TAF4B: variants seen among roughly 807,000 people sequenced by gnomAD.
The protein encoded by TAF4B is transcription initiation factor TFIID subunit 4B.
TAF4B carries 38 observed loss-of-function variants against 86.4 expected under a neutral mutation model. The ratio of observed to expected loss-of-function variants is 0.44; its 90% CI spans 0.34 to 0.58. The LOEUF (loss-of-function observed/expected upper bound fraction) is 0.58, where lower values mean the gene tolerates loss of function less well. TAF4B is among the 20% of genes least tolerant of loss of function. The pLI, the probability that TAF4B is intolerant of heterozygous loss-of-function variation, is 0.02. For missense variants in TAF4B, 988 were observed against 1,027.6 expected, an observed-to-expected ratio of 0.96 and a Z score of 0.53; for synonymous variants, 388 against 391.2, an observed-to-expected ratio of 0.99 and a Z score of 0.10.
At chr18:26,268,887 A>G (rs970270806) in intron 3 of TAF4B, among the ~76,000 whole-genome samples, 4 of 152,050 alleles carry the variant, frequency 2.6e-5, no homozygotes, top group African/African-American at 4.8e-5. Flanking sequence ...CTGTGGTGCA[A>G]TCTTGGCTCA....
chr18:26,309,916 C>T (rs2056836716), intron 9 of TAF4B, among the ~76,000 whole-genome samples: 1 of 152,136 alleles, frequency 6.6e-6, no homozygotes, highest in East Asian at 1.9e-4. Context: ...ACTCTGCCTC[C>T]CGGGTTCAAG....
intron 9 of TAF4B, among the ~76,000 whole-genome samples, chr18:26,311,656 C>T (rs1354798977): frequency 6.6e-6 from 1 of 151,934 alleles, no homozygotes; most frequent in African/African-American, 2.4e-5. Flanking sequence ...AAGTTGAAGA[C>T]TAGAACAGGA....
chr18:26,364,095 A>G (rs78828943), intron 14 of TAF4B, among the ~76,000 whole-genome samples: 2,975 of 152,312 alleles, frequency 0.02, 85 homozygotes, highest in African/African-American at 0.068. Context: ...CTCATTAAAT[A>G]TGATCTATTT....
In TAF4B at chr18:26,301,200, C is replaced by CT. The variant is rs369173234; in HGVS notation, c.1832+7670dup. Among the ~76,000 whole-genome samples, 394 of 151,884 alleles carry CT rather than the reference C, an allele frequency of 2.6e-3. 3 individuals carry two copies. Among genetic ancestry groups the CT allele is most frequent in the African/African-American group, 9.0e-3 (372 of 41,406 alleles). ...ATTTCTTTTTTAATGGATTATTGTC[C>CT]TGTGGTATAGTTGTTTGCCTCTATG... is the stretch of plus-strand genomic sequence containing the variant. On this transcript the variant is annotated intron_variant, in intron 9 of 14. Coordinates refer to ENST00000269142, the MANE Select transcript of TAF4B (RefSeq NM_005640.3).
At chr18:26,340,738 T>C (rs1427795864) in intron 13 of TAF4B, among the ~76,000 whole-genome samples, 2 of 152,156 alleles carry the variant, frequency 1.3e-5, no homozygotes, top group Admixed American at 6.5e-5. Flanking sequence ...TGAGAATCAT[T>C]GATCTAGGAT....
intron 1 of TAF4B, among the ~76,000 whole-genome samples, chr18:26,253,715 C>A (rs994496498): frequency 6.6e-6 from 1 of 152,138 alleles, no homozygotes; most frequent in Non-Finnish European, 1.5e-5. Flanking sequence ...GCTTTTCTTA[C>A]AGATCCTCTT....
chr18:26,227,973 T>C (rs2055604341), intron 1 of TAF4B, among the ~76,000 whole-genome samples: 1 of 152,238 alleles, frequency 6.6e-6, no homozygotes, highest in South Asian at 2.1e-4. Context: ...GCAGAACCCC[T>C]GACTGGGAAC....
intron 1 of TAF4B, among the ~76,000 whole-genome samples, chr18:26,258,346 T>G (rs2056116360): frequency 6.6e-6 from 1 of 152,218 alleles, no homozygotes; most frequent in Admixed American, 6.5e-5. Context: ...TTTTCTTCAT[T>G]TGTTCCTTTG....
intron 11 of TAF4B, among the ~76,000 whole-genome samples, chr18:26,325,238 T>C (rs1171803566): frequency 6.6e-6 from 1 of 152,214 alleles, no homozygotes; most frequent in African/African-American, 2.4e-5. Flanking sequence ...CTTCATTCAG[T>C]GTTTTCCAGT....
chr18:26,236,965 G>A (rs370694898), intron 1 of TAF4B, among the ~76,000 whole-genome samples: 9 of 152,128 alleles, frequency 5.9e-5, no homozygotes, highest in East Asian at 1.9e-4. Flanking sequence ...TCCCGTAGCC[G>A]CTGGAGCAAG....
rs1361096275 is a variant in TAF4B at position 26,226,583 on chromosome 18, C to T, written c.-351C>T. On this transcript the variant is annotated 5_prime_UTR_variant, in exon 1 of 15. Coordinates refer to ENST00000269142, the MANE Select transcript of TAF4B (RefSeq NM_005640.3). ...TGCGCAGTTAGGCTCGAGGTGTGAG[C>T]GACGACCTTCCGGGAGCCGCAAGTC... 1 of 204,968 alleles carries T rather than the reference C, an allele frequency of 4.9e-6. No individual in the cohort carries two copies. The highest frequency in any genetic ancestry group is 9.7e-6 in the Non-Finnish European group (1 of 102,868). 12.7% of individuals were successfully genotyped at this position (204,968 alleles called of 1,614,324 possible).
intron 7 of TAF4B, among the ~76,000 whole-genome samples, chr18:26,290,392 C>T (rs1357286890): frequency 1.3e-5 from 2 of 152,120 alleles, no homozygotes; most frequent in Non-Finnish European, 2.9e-5. Flanking sequence ...AGCAGTCTTC[C>T]TGAGTAAAGG....
chr18:26,371,689 A>G (rs1175908981), intron 14 of TAF4B, among the ~76,000 whole-genome samples: 1 of 152,196 alleles, frequency 6.6e-6, no homozygotes, highest in Admixed American at 6.5e-5. Context: ...CTTGATTTGT[A>G]TAAACATATA....
intron 14 of TAF4B, among the ~76,000 whole-genome samples, chr18:26,379,627 C>T (rs570067511): frequency 6.6e-6 from 1 of 152,096 alleles, no homozygotes; most frequent in Non-Finnish European, 1.5e-5. Flanking sequence ...GTGAGTGTTC[C>T]AGCTTTGTCC....
chr18:26,276,199 A>G (rs2056382437), intron 5 of TAF4B, among the ~76,000 whole-genome samples: 1 of 152,072 alleles, frequency 6.6e-6, no homozygotes, highest in African/African-American at 2.4e-5. Flanking sequence ...CATCTTGCAG[A>G]TGAGAATGTT....
At chr18:26,283,439 T>C (rs1318915649) in intron 6 of TAF4B, among the ~76,000 whole-genome samples, 1 of 152,144 alleles carries the variant, frequency 6.6e-6, no homozygotes, top group African/African-American at 2.4e-5. Context: ...TTTTTTTTTT[T>C]TCTTCTGAGC....
chr18:26,314,691 C>CT, intron 9 of TAF4B, among the ~76,000 whole-genome samples: 1 of 152,242 alleles, frequency 6.6e-6, no homozygotes. Flanking sequence ...GGATATGGAC[C>CT]TTTCAGGACC....
intron 14 of TAF4B, among the ~76,000 whole-genome samples, chr18:26,371,870 G>A (rs554735806): frequency 6.6e-6 from 1 of 152,298 alleles, no homozygotes; most frequent in South Asian, 2.1e-4. Flanking sequence ...AAATTCTACT[G>A]TGAATTTCTT....
intron 14 of TAF4B, among the ~76,000 whole-genome samples, chr18:26,388,738 G>T (rs1200847441): frequency 1.3e-5 from 2 of 152,342 alleles, no homozygotes; most frequent in Middle Eastern, 3.4e-3. Context: ...GGAAGCCAGA[G>T]TGATGGGTTT....
Sources: gnomAD v4.1 joint callset for allele counts (sites outside exome capture counted in the v4.1 genomes callset) on GRCh38, gnomAD v4.1.1 for gene constraint, MANE v1.5 for transcripts, NCBI Gene and HGNC (gene_info 2026-07-23, HGNC 2026-07-21) for gene names.